Variants in STXBP5L observed in about 807,000 individuals in gnomAD.
The protein encoded by STXBP5L is syntaxin binding protein 5L.
Under a neutral mutation model 144.5 loss-of-function variants are expected in STXBP5L, and 65 were observed. That is an observed-to-expected ratio of 0.45 (90% CI 0.37 to 0.55). The LOEUF (loss-of-function observed/expected upper bound fraction) is 0.55. Ranked by LOEUF, STXBP5L falls within the 20% of genes least tolerant of loss-of-function variation. The pLI is 0.00. For missense variants in STXBP5L, 1,298 were observed against 1,405.5 expected, an observed-to-expected ratio of 0.92 and a Z score of 1.22; for synonymous variants, 505 against 469.6, an observed-to-expected ratio of 1.08 and a Z score of -0.97.
intron 6 of STXBP5L, among the ~76,000 whole-genome samples, chr3:121,120,511 G>A (rs1422831237): frequency 6.6e-6 from 1 of 151,138 alleles, no homozygotes; most frequent in Non-Finnish European, 1.5e-5. Flanking sequence ...CATAGTATTA[G>A]ATGCTGTATG....
rs536665250 is a variant in STXBP5L, at chr3:121,186,891, A to G, written c.878-19032A>G. On this transcript the variant is annotated intron_variant, in intron 9 of 26. Transcript: ENST00000471454. ...ACCATCTCACACCAGTTAGAATGGCAATCATTAAAAAGTCAGGAAACAACA... is the reference window on the plus strand; with the variant it reads ...ACCATCTCACACCAGTTAGAATGGCGATCATTAAAAAGTCAGGAAACAACA... Among the ~76,000 whole-genome samples, 697 of 152,252 alleles carry G rather than the reference A, an allele frequency of 4.6e-3. 4 individuals carry two copies. Among genetic ancestry groups the G allele is most frequent in the African/African-American group, 0.016 (651 of 41,556 alleles).
intron 9 of STXBP5L, among the ~76,000 whole-genome samples, chr3:121,198,801 G>C (rs751759670): frequency 6.6e-6 from 1 of 152,128 alleles, no homozygotes; most frequent in Non-Finnish European, 1.5e-5. Context: ...TTGTAGGTGT[G>C]TGGTATTATT....
In STXBP5L at chr3:121,331,943, G is replaced by A. The variant is rs577934380; in HGVS notation, c.2176+13403G>A. Among the ~76,000 whole-genome samples, 57 of 152,110 alleles carry A rather than the reference G, an allele frequency of 3.7e-4. No individual in the cohort carries two copies. In the South Asian group the frequency reaches 0.01, roughly 27 times the overall value. On this transcript the variant is annotated intron_variant, in intron 20 of 26. Coordinates refer to ENST00000471454, the MANE Select transcript of STXBP5L (RefSeq NM_001308330.2). ...CACATTGCCACCACAACCAGCATCTGAGAAAGCCATCATACAAAGACTTTC... is the reference window on the plus strand; with the variant it reads ...CACATTGCCACCACAACCAGCATCTAAGAAAGCCATCATACAAAGACTTTC...
At chr3:120,938,073 A>C (rs1710361114) in intron 2 of STXBP5L, among the ~76,000 whole-genome samples, 1 of 152,094 alleles carries the variant, frequency 6.6e-6, no homozygotes, top group Non-Finnish European at 1.5e-5. Flanking sequence ...ACAGGTAAGC[A>C]AAAACAGAAC....
chr3:121,396,854 T>A (rs989808567), intron 22 of STXBP5L, among the ~76,000 whole-genome samples: 1 of 152,260 alleles, frequency 6.6e-6, no homozygotes, highest in Non-Finnish European at 1.5e-5. Flanking sequence ...TGCATTCTAC[T>A]TCTAACTGCT....
At chr3:121,022,675 T>G (rs1183138131) in intron 3 of STXBP5L, among the ~76,000 whole-genome samples, 3 of 152,098 alleles carry the variant, frequency 2.0e-5, no homozygotes, top group Non-Finnish European at 2.9e-5. Context: ...ATCATCTCAA[T>G]AGACACAGAA....
At chr3:121,364,614 C>A (rs1016729092) in intron 20 of STXBP5L, among the ~76,000 whole-genome samples, 1 of 151,756 alleles carries the variant, frequency 6.6e-6, no homozygotes, top group Non-Finnish European at 1.5e-5. Flanking sequence ...TTTATATGTT[C>A]TTTAATTTTT....
rs1185366100 is a variant in STXBP5L, at chr3:121,308,953, T to C, written c.2111-9522T>C. ...CTGAAGTAGACTCTGATTGGATATA[T>C]ACAGTAAGTTCTAATGTATACGGTA... On this transcript the variant is annotated intron_variant, in intron 19 of 26. Coordinates refer to ENST00000471454, the MANE Select transcript of STXBP5L (RefSeq NM_001308330.2). 4.6e-5 allele frequency among the ~76,000 whole-genome samples: 7 copies of C among 152,222 alleles called. No individual in the cohort carries two copies. The East Asian group carries it at 1.3e-3, about 29-fold the overall frequency.
At chr3:121,261,815 ACTTTGT>A (rs1559915899) in intron 18 of STXBP5L, among the ~76,000 whole-genome samples, 1 of 152,190 alleles carries the variant, frequency 6.6e-6, no homozygotes, top group Non-Finnish European at 1.5e-5. Context: ...AATGTTAGAG[ACTTTGT>A]CTTTGAGGAA....
At chr3:121,344,621 T>C (rs1017397226) in intron 20 of STXBP5L, among the ~76,000 whole-genome samples, 4 of 152,008 alleles carry the variant, frequency 2.6e-5, no homozygotes, top group African/African-American at 9.7e-5. Flanking sequence ...TCCACGACAA[T>C]ACAAATACAA....
intron 16 of STXBP5L, among the ~76,000 whole-genome samples, chr3:121,256,433 T>C (rs144239114): frequency 4.9e-4 from 74 of 152,190 alleles, no homozygotes; most frequent in African/African-American, 1.8e-3. Flanking sequence ...ATGCATTTTA[T>C]GCATTCATAA....
chr3:121,047,566 T>C (rs1035298748), intron 5 of STXBP5L, among the ~76,000 whole-genome samples: 2 of 152,214 alleles, frequency 1.3e-5, no homozygotes, highest in Admixed American at 1.3e-4. Context: ...TTTAGGATAG[T>C]TAGGCATTCT....
At chr3:121,257,459 G>T (rs2050244309) in intron 17 of STXBP5L, 126 bp downstream of exon 17, 1 of 780,292 alleles carries the variant, frequency 1.3e-6, no homozygotes, top group South Asian at 2.5e-5. Flanking sequence ...ATTCTTCAGG[G>T]GTTACTCTGG....
intron 2 of STXBP5L, among the ~76,000 whole-genome samples, chr3:120,918,993 A>C (rs949965633): frequency 3.3e-5 from 5 of 152,150 alleles, no homozygotes; most frequent in African/African-American, 1.2e-4. Flanking sequence ...AACATTCTTT[A>C]AGGAATGGGA....
intron 14 of STXBP5L, 54 bp from the exon 15 acceptor site, chr3:121,250,669 A>AT: frequency 1.4e-6 from 2 of 1,424,744 alleles, no homozygotes; most frequent in Non-Finnish European, 2.0e-6. Context: ...ATTTGGAGTG[A>AT]TTATGATTTT....
At chr3:121,403,080 T>C (rs2046919850) in intron 22 of STXBP5L, among the ~76,000 whole-genome samples, 1 of 152,164 alleles carries the variant, frequency 6.6e-6, no homozygotes, top group Admixed American at 6.5e-5. Context: ...TGTCCTCTTT[T>C]ATTGAGAAAA....
intron 2 of STXBP5L, among the ~76,000 whole-genome samples, chr3:120,941,270 G>T (rs954396311): frequency 6.6e-6 from 1 of 151,616 alleles, no homozygotes; most frequent in Non-Finnish European, 1.5e-5. Context: ...AAGAAACACA[G>T]GTAGTAAAGA....
intron 7 of STXBP5L, among the ~76,000 whole-genome samples, chr3:121,132,279 C>T (rs185991803): frequency 2.8e-4 from 42 of 152,272 alleles, no homozygotes; most frequent in African/African-American, 1.0e-3. Flanking sequence ...GCATCCAGTG[C>T]CCCAGCTTCT....
At chr3:120,962,472 T>C (rs1203321451) in intron 3 of STXBP5L, among the ~76,000 whole-genome samples, 1 of 152,216 alleles carries the variant, frequency 6.6e-6, no homozygotes, top group Non-Finnish European at 1.5e-5. Context: ...AAGGAAGAGA[T>C]CCAGTTTCAG....
Sources: allele counts gnomAD v4.1 joint callset (sites outside exome capture counted in the v4.1 genomes callset), GRCh38; gene constraint gnomAD v4.1.1; transcripts MANE v1.5; gene names NCBI Gene and HGNC (gene_info 2026-07-23, HGNC 2026-07-21).